MUC12: variants seen among roughly 807,000 people sequenced by gnomAD.
MUC12 encodes mucin 12, cell surface associated, also known as mucin-12.
Under a neutral mutation model 230.8 loss-of-function variants are expected in MUC12, and 172 were observed. The observed-to-expected ratio is 0.75, with a 90% CI of 0.66 to 0.85. The LOEUF is 0.85. Among genes scored for constraint, MUC12 ranks in the 40% least tolerant of loss-of-function variants. MUC12 has a pLI of 0.00. For missense variants in MUC12, 3,506 were observed against 5,920.6 expected, an observed-to-expected ratio of 0.59 and a Z score of 13.38; for synonymous variants, 1,259 against 2,401.9, an observed-to-expected ratio of 0.52 and a Z score of 13.91.
chr7:100,990,760 A>C lies in MUC12; in HGVS notation c.197A>C (p.Lys66Thr), dbSNP rs1359024551. 9 of 1,537,712 alleles carry C rather than the reference A, an allele frequency of 5.9e-6. No individual in the cohort carries two copies. Among genetic ancestry groups the C allele is most frequent in the Admixed American group, 2.0e-5 (1 of 50,980 alleles). The change falls in exon 2 of 12, where the codon AAA (lysine) becomes ACA (threonine). Residue 66 changes from lysine (K) to threonine (T), a missense_variant. Transcript: ENST00000536621. ...TTTATCACGGGCTCAACTGCAACAA[A>C]ACACTTCCTTGACAGCTCCACAAAC... ...VTFITGSTAT[K>T]HFLDSSTNSG... is the part of the protein sequence containing the mutation.
rs971900835 is a variant in MUC12, at chr7:101,013,001, C to G, written c.15497C>G (p.Ala5166Gly). 6.5e-7 allele frequency: 1 copy of G among 1,537,186 alleles called. No individual in the cohort carries two copies. The highest frequency in any genetic ancestry group is 1.4e-5 in the African/African-American group (1 of 73,028). Residue 5166 changes from alanine (A) to glycine (G), a missense_variant, in exon 8 of 12, where the codon GCC (alanine) becomes GGC (glycine). By Grantham distance (60) the Ala-to-Gly change is moderately conservative (BLOSUM62 0). Coordinates refer to ENST00000536621, the MANE Select transcript of MUC12 (RefSeq NM_001164462.2). The part of the protein sequence containing the change: ...DFQEQCTQKA[A>G]EGYTQFYYVD... ...TCAGAGCAATGCACCCAGAAGGCTG[C>G]CGAAGGATATACCCAGTTCTACTAT...
At chr7:100,973,950 C>T (rs889084660) in intron 1 of MUC12, among the ~76,000 whole-genome samples, 3 of 151,602 alleles carry the variant, frequency 2.0e-5, no homozygotes, top group Admixed American at 6.6e-5. Flanking sequence ...CCCAGGAGTT[C>T]GAGACCAGCT....
In MUC12 at chr7:101,004,611, C is replaced by G. The variant is rs557848455; in HGVS notation, c.14048C>G (p.Ser4683Ter). Residue 4683 changes from serine to a stop codon, truncating the protein, a stop_gained, in exon 2 of 12, where the codon TCA (serine) becomes TGA (stop). Transcript: ENST00000536621. LOFTEE classifies it high-confidence loss of function. ...ACAACCTCCGGCCGTAGTGAGGAAT[C>G]AACAGCATCCCACAGCAGCCCAGAT... ...SSTTSGRSEE[S>*]TASHSSPDTN... is the part of the protein sequence containing the mutation. 16 of 1,536,742 alleles carry G rather than the reference C, an allele frequency of 1.0e-5. No individual in the cohort carries two copies. The South Asian group carries it at 1.8e-4, about 17-fold the overall frequency.
chr7:100,986,815 C>G (rs771816991), intron 1 of MUC12, among the ~76,000 whole-genome samples: 2 of 152,140 alleles, frequency 1.3e-5, no homozygotes, highest in African/African-American at 4.8e-5. Context: ...GGCCACACAC[C>G]CTGTCCTCTC....
At chr7:100,978,880 G>T (rs1462550132) in intron 1 of MUC12, among the ~76,000 whole-genome samples, 1 of 152,214 alleles carries the variant, frequency 6.6e-6, no homozygotes, top group Non-Finnish European at 1.5e-5. Flanking sequence ...CACAATCATA[G>T]CTCACTGCAG....
chr7:100,991,639 C>A lies in MUC12; in HGVS notation c.1076C>A (p.Thr359Lys). Residue 359 changes from threonine (T) to lysine (K), a missense_variant, in exon 2 of 12, where the codon ACA becomes AAA. Coordinates refer to ENST00000536621, the MANE Select transcript of MUC12 (RefSeq NM_001164462.2). ...SATSGHVEESTAYHRSPGSTQ... is the reference protein window; with the variant it reads ...SATSGHVEESKAYHRSPGSTQ... ...ACCTCAGGCCATGTTGAAGAATCTACAGCCTACCACAGGAGCCCGGGCTCA... is the reference window on the plus strand; with the variant it reads ...ACCTCAGGCCATGTTGAAGAATCTAAAGCCTACCACAGGAGCCCGGGCTCA... 1 of 1,534,998 alleles carries A rather than the reference C, an allele frequency of 6.5e-7. No homozygotes were observed. The highest frequency in any genetic ancestry group is 8.7e-7 in the Non-Finnish European group (1 of 1,144,766).
rs143310900 is a variant in MUC12, at chr7:100,989,916, C to G, written c.68-715C>G. 5.3e-5 allele frequency among the ~76,000 whole-genome samples: 8 copies of G among 152,258 alleles called. No individual in the cohort carries two copies. The East Asian group carries it at 1.5e-3, about 29-fold the overall frequency. On this transcript the variant is annotated intron_variant, in intron 1 of 11. Transcript: ENST00000536621. ...CTATGTTGGCCAAACTGGTCTCAAA[C>G]TCCTGATCTCAAGTGATCCACCCAC... is the stretch of plus-strand genomic sequence containing the variant.
intron 1 of MUC12, among the ~76,000 whole-genome samples, chr7:100,971,663 G>C (rs73714298): frequency 1.3e-5 from 2 of 152,308 alleles, no homozygotes; most frequent in Non-Finnish European, 2.9e-5. Flanking sequence ...GGGACATTAT[G>C]AGAGTTTATT....
At chr7:100,970,435 C>G (rs1792849155) in intron 1 of MUC12, among the ~76,000 whole-genome samples, 2 of 142,234 alleles carry the variant, frequency 1.4e-5, no homozygotes, top group Non-Finnish European at 3.0e-5. Flanking sequence ...TGCAGTGAGG[C>G]AAGATTGTGG....
rs910256343 is a variant in MUC12 at position 100,993,045 on chromosome 7, A to G, written c.2482A>G (p.Ser828Gly). 2.0e-6 allele frequency: 3 copies of G among 1,536,004 alleles called. No individual in the cohort carries two copies. Among genetic ancestry groups the G allele is most frequent in the African/African-American group, 1.4e-5 (1 of 71,462 alleles). The change falls in exon 2 of 12, where the codon AGT (serine) becomes GGT (glycine). Residue 828 changes from serine to glycine, a missense_variant. Ser to Gly is a moderately conservative substitution (Grantham distance 56, BLOSUM62 0). Coordinates refer to ENST00000536621, the MANE Select transcript of MUC12 (RefSeq NM_001164462.2). ...GLSERSTTFH[S>G]SPRSPATTLS... ...CAGTGAGAGATCTACCACTTTCCAT[A>G]GTAGCCCCAGATCACCAGCCACAAC...
At position 100,969,634 on chromosome 7, in the gene MUC12, C is replaced by G. The variant is rs1219616081; in HGVS notation, c.12C>G (p.Ile4Met). The change falls in exon 1 of 12, where the codon ATC (isoleucine) becomes ATG (methionine). Residue 4 changes from isoleucine to methionine, a missense_variant. Physicochemically the swap from Ile to Met is conservative, Grantham distance 10 (BLOSUM62 1). Transcript: ENST00000536621. ...CCGTTCCCCGGGAGATGCTGGTGAT[C>G]TGGATTCTGACGCTGGCTCTCCGGC... is the stretch of plus-strand genomic sequence containing the variant. Reference protein sequence around the residue: MLVIWILTLALRLC... With the variant: MLVMWILTLALRLC... The G allele has an allele frequency of 6.5e-7, 1 of 1,537,452 alleles. No homozygotes were observed. The highest frequency in any genetic ancestry group is 1.4e-5 in the African/African-American group (1 of 73,204).
intron 9 of MUC12, 78 bp from the exon 10 acceptor site, chr7:101,015,537 G>T: frequency 2.4e-6 from 3 of 1,265,754 alleles, no homozygotes; most frequent in Non-Finnish European, 3.3e-6. Context: ...TCCCCTCGAG[G>T]GAAGCTGAAG....
chr7:101,007,367 C>T (rs2116349193), intron 3 of MUC12, among the ~76,000 whole-genome samples: 1 of 152,260 alleles, frequency 6.6e-6, no homozygotes, highest in Admixed American at 6.5e-5. Context: ...TTTTTGTACC[C>T]ATTAACCATG....
At chr7:101,014,777 C>CTTAAATTAAATTAAA (rs10533221) in intron 9 of MUC12, among the ~76,000 whole-genome samples, 104 of 143,634 alleles carry the variant, frequency 7.2e-4, no homozygotes, top group Middle Eastern at 3.5e-3. Flanking sequence ...CGTGCCCGGC[C>CTTAAATTAAATTAAA]TTAAATTAAA....
chr7:100,982,910 T>A (rs1793131399), intron 1 of MUC12, among the ~76,000 whole-genome samples: 1 of 151,790 alleles, frequency 6.6e-6, no homozygotes, highest in Non-Finnish European at 1.5e-5. Context: ...TATTTAAAAT[T>A]TTTTTGTAAA....
intron 6 of MUC12, 52 bp from the exon 7 acceptor site, chr7:101,012,767 A>G: frequency 6.6e-7 from 1 of 1,518,302 alleles, no homozygotes; most frequent in South Asian, 1.2e-5. Context: ...ACCCCCAGGG[A>G]GGCAGAGGGA....
intron 5 of MUC12, 66 bp downstream of exon 5, chr7:101,009,225 C>T: frequency 3.4e-6 from 5 of 1,458,586 alleles, no homozygotes; most frequent in East Asian, 2.5e-5. Flanking sequence ...TTTCCTGCCT[C>T]CTCCTATCAT....
chr7:101,018,260 C>CCT (rs141323582), intron 11 of MUC12, among the ~76,000 whole-genome samples: 33 of 57,398 alleles, frequency 5.7e-4, no homozygotes, highest in Middle Eastern at 8.3e-3. Flanking sequence ...GGACTCCCTC[C>CCT]TCCCCCAGGA....
intron 1 of MUC12, among the ~76,000 whole-genome samples, chr7:100,970,355 C>T (rs112271351): frequency 0.042 from 6,381 of 151,684 alleles, 409 homozygotes; most frequent in African/African-American, 0.15. Flanking sequence ...GGCATGGTGG[C>T]GCACACCTCT....
Sources: gnomAD v4.1 joint callset for allele counts (sites outside exome capture counted in the v4.1 genomes callset) on GRCh38, gnomAD v4.1.1 for gene constraint, MANE v1.5 for transcripts, NCBI Gene and HGNC (gene_info 2026-07-23, HGNC 2026-07-21) for gene names.